The following UCHL1 variants were observed in gnomAD, a reference collection of about 807,000 sequenced individuals.
UCHL1 encodes the protein ubiquitin carboxyl-terminal hydrolase isozyme L1.
A neutral mutation model predicts 33.3 loss-of-function variants in UCHL1; 5 were observed. That is an observed-to-expected ratio of 0.15 (90% confidence interval 0.08 to 0.32). UCHL1 has a LOEUF of 0.32. UCHL1 is among the 10% of genes least tolerant of loss of function. The probability of loss-of-function intolerance (pLI) is 1.00; values close to 1 mark genes in which losing one functional copy is unlikely to be tolerated. For synonymous variants in UCHL1, 132 were observed against 108.8 expected (o/e 1.21, Z -1.33); for missense variants, 236 against 280.0 (o/e 0.84, Z 1.12).
In UCHL1 at chr4:41,263,230, T is replaced by C. The variant is rs1781101409; in HGVS notation, c.465T>C (p.Asp155=). Residue 155 remains aspartate, a synonymous_variant, in exon 7 of 9, where the codon GAT becomes GAC. Transcript: ENST00000284440. ...AVAQEGQCRV[D]DKVNFHFILF... ...AATTTCTTGACTTTCTTTAGGTAGA[T>C]GACAAGGTGAATTTCCATTTTATTC... The C allele has an allele frequency of 6.2e-7, 1 of 1,613,950 alleles. No homozygotes were observed. Among genetic ancestry groups the C allele is most frequent in the Non-Finnish European group, 8.5e-7 (1 of 1,179,818 alleles).
intron 8 of UCHL1, 112 bp from the exon 9 acceptor site, chr4:41,267,875 T>A (rs1022426941): frequency 2.1e-6 from 2 of 960,476 alleles, no homozygotes; most frequent in African/African-American, 3.2e-5. Flanking sequence ...ATGATGGAAT[T>A]AAAGTTGATG....
rs575769032 is a variant in UCHL1 at position 41,262,825 on chromosome 4, T to C, written c.460-400T>C. 2.0e-4 allele frequency among the ~76,000 whole-genome samples: 30 copies of C among 152,210 alleles called. 1 individual carries two copies. The highest frequency in any genetic ancestry group is 7.0e-4 in the African/African-American group (29 of 41,530). ...TTCACCATGTTGTTCAGGCTGGTCT[T>C]GAACTCTTGTGAGCTCAAGTGATCT... On this transcript the variant is annotated intron_variant, in intron 6 of 8. Transcript: ENST00000284440.
intron 6 of UCHL1, among the ~76,000 whole-genome samples, chr4:41,262,313 A>G (rs1781082961): frequency 6.6e-6 from 1 of 152,102 alleles, no homozygotes; most frequent in South Asian, 2.1e-4. Context: ...AATACAGAGT[A>G]GCGAGGTCTG....
chr4:41,263,091 A>G (rs1399665990), intron 6 of UCHL1, 134 bp from the exon 7 acceptor site: 2 of 728,010 alleles, frequency 2.7e-6, no homozygotes, highest in African/African-American at 3.5e-5. Flanking sequence ...ATAGGGCTTA[A>G]TGTAAGACAT....
In UCHL1 at chr4:41,268,186, G is replaced by A. The variant is rs1255382544; in HGVS notation, c.*113G>A. The A allele has an allele frequency of 9.5e-7, 1 of 1,052,908 alleles. No homozygotes were observed. The highest frequency in any genetic ancestry group is 1.6e-5 in the African/African-American group (1 of 63,650). 65.2% of individuals were successfully genotyped at this position (1,052,908 alleles called of 1,614,324 possible). A position where few individuals can be genotyped will look rare whatever the true frequency, so the allele number is the denominator to read the frequency against. Reference sequence around the variant, plus strand: ...ACTTGTGAAACACAGCTGTTCTTCTGTTCTGCAGACACGCCTTCCCCTCAG... The same window carrying A: ...ACTTGTGAAACACAGCTGTTCTTCTATTCTGCAGACACGCCTTCCCCTCAG... On this transcript the variant is annotated 3_prime_UTR_variant, in exon 9 of 9. Transcript: ENST00000284440.
intron 3 of UCHL1, among the ~76,000 whole-genome samples, 153 bp downstream of exon 3, chr4:41,257,890 A>G (rs1045873735): frequency 6.6e-6 from 1 of 150,908 alleles, no homozygotes. Context: ...CGTGGTACCT[A>G]CTCCCTGGGC....
At chr4:41,261,647 A>C in intron 4 of UCHL1, 68 bp from the exon 5 acceptor site, 2 of 1,543,816 alleles carry the variant, frequency 1.3e-6, no homozygotes, top group Non-Finnish European at 1.8e-6. Context: ...CAAAGGCTTA[A>C]GTCAACAATA....
At chr4:41,265,233 CAA>C (rs949337453) in intron 8 of UCHL1, among the ~76,000 whole-genome samples, 7 of 152,148 alleles carry the variant, frequency 4.6e-5, no homozygotes, top group East Asian at 3.9e-4. Flanking sequence ...TGACAAAACT[CAA>C]GAGTTTAAGG....
chr4:41,262,215 A>C (rs976251635), intron 6 of UCHL1, among the ~76,000 whole-genome samples: 1 of 152,204 alleles, frequency 6.6e-6, no homozygotes, highest in Non-Finnish European at 1.5e-5. Context: ...TAATCCCAAC[A>C]ATTTGGGAGG....
At chr4:41,262,536 C>T (rs1188316750) in intron 6 of UCHL1, among the ~76,000 whole-genome samples, 11 of 151,762 alleles carry the variant, frequency 7.2e-5, no homozygotes, top group East Asian at 3.9e-4. Flanking sequence ...AAATGCCCAA[C>T]GAAGGACAAG....
At chr4:41,264,810 A>T (rs1177101138) in intron 8 of UCHL1, among the ~76,000 whole-genome samples, 1 of 152,216 alleles carries the variant, frequency 6.6e-6, no homozygotes, top group Non-Finnish European at 1.5e-5. Flanking sequence ...TTGCTTAATT[A>T]TGATACACAA....
At chr4:41,260,917 T>C in intron 4 of UCHL1, 120 bp downstream of exon 4, 1 of 1,395,862 alleles carries the variant, frequency 7.2e-7, no homozygotes, top group East Asian at 2.3e-5. Flanking sequence ...GTAATGATGG[T>C]GTCAGACACT....
intron 3 of UCHL1, 67 bp downstream of exon 3, chr4:41,257,804 G>A (rs1298774115): frequency 4.0e-6 from 6 of 1,516,650 alleles, no homozygotes; most frequent in Non-Finnish European, 5.3e-6. Context: ...TTGAGTCCTC[G>A]GGGGCTCCCC....
In UCHL1 at chr4:41,267,977, T is replaced by C. The variant is rs763835440; in HGVS notation, c.586-10T>C. On this transcript the variant is annotated splice_polypyrimidine_tract_variant and intron_variant, in intron 8 of 8. Transcript: ENST00000284440. The stretch of plus-strand genomic sequence containing the variant: ...GCTGTTTGGATTTTAATGACATTTC[T>C]CCTTTCCAGGACGCTGCCAAGGTCT... The C allele has an allele frequency of 3.7e-6, 6 of 1,611,728 alleles. No individual in the cohort carries two copies. The Admixed American group carries it at 1.0e-4, about 27-fold the overall frequency.
chr4:41,258,940 CAG>C (rs1172121543), intron 3 of UCHL1, among the ~76,000 whole-genome samples: 2 of 152,214 alleles, frequency 1.3e-5, no homozygotes, highest in African/African-American at 2.4e-5. Context: ...GAGCATCACA[CAG>C]AGGTTTTTTA....
intron 8 of UCHL1, among the ~76,000 whole-genome samples, chr4:41,265,006 T>A (rs558532945): frequency 5.7e-4 from 87 of 152,304 alleles, no homozygotes; most frequent in African/African-American, 1.8e-3. Flanking sequence ...GGCATATGGC[T>A]CTGTTGCAAG....
At chr4:41,257,202 G>T in intron 2 of UCHL1, 76 bp downstream of exon 2, 1 of 1,608,168 alleles carries the variant, frequency 6.2e-7, no homozygotes. Flanking sequence ...GGTTCCGGCT[G>T]CTGGCAGGGA....
At position 41,263,865 on chromosome 4, in the gene UCHL1, C is replaced by G. The variant is rs957266214; in HGVS notation, c.527-238C>G. On this transcript the variant is annotated intron_variant, in intron 7 of 8. Transcript: ENST00000284440. Reference sequence around the variant, plus strand: ...TCCAAGGGTTGGGGCACAGGCCCCTCTATTAGGGTAGCTGACTTGAGCTTG... The same window carrying G: ...TCCAAGGGTTGGGGCACAGGCCCCTGTATTAGGGTAGCTGACTTGAGCTTG... Among the ~76,000 whole-genome samples the G allele has an allele frequency of 7.5e-4, 114 of 152,214 alleles. 7 individuals carry two copies. Among genetic ancestry groups the G allele is most frequent in the Non-Finnish European group, 1.0e-4 (7 of 68,036 alleles).
chr4:41,258,238 G>A (rs1781015683), intron 3 of UCHL1, among the ~76,000 whole-genome samples: 1 of 152,118 alleles, frequency 6.6e-6, no homozygotes, highest in East Asian at 1.9e-4. Flanking sequence ...TGGTCTTAAG[G>A]GGTTCTTCTC....
Sources: gnomAD v4.1 joint callset for allele counts (sites outside exome capture counted in the v4.1 genomes callset) on GRCh38, gnomAD v4.1.1 for gene constraint, MANE v1.5 for transcripts, NCBI Gene and HGNC (gene_info 2026-07-23, HGNC 2026-07-21) for gene names.